The following RFX8 variants were observed in gnomAD, a reference collection of about 807,000 sequenced individuals.
RFX8 encodes DNA-binding protein RFX8.
RFX8 carries 46 observed loss-of-function variants against 54.6 expected under a neutral mutation model. That is an observed-to-expected ratio of 0.84 (90% CI 0.67 to 1.08). The LOEUF is 1.08. RFX8 is among the 50% of genes least tolerant of loss of function. RFX8 has a pLI of 0.00. For missense variants in RFX8, 536 were observed against 562.3 expected (o/e 0.95, Z 0.47); for synonymous variants, 192 against 209.5 (o/e 0.92, Z 0.72).
intron 2 of RFX8, among the ~76,000 whole-genome samples, chr2:101,459,901 C>T (rs936829236): frequency 6.6e-6 from 1 of 152,138 alleles, no homozygotes; most frequent in Admixed American, 6.5e-5. Flanking sequence ...CCAGTTCGAG[C>T]TTCCCAGCTA....
chr2:101,438,163 C>T (rs879355564), intron 2 of RFX8, among the ~76,000 whole-genome samples: 3 of 151,930 alleles, frequency 2.0e-5, no homozygotes, highest in Non-Finnish European at 4.4e-5. Context: ...TCGACCACTT[C>T]AAGCATTTAT....
chr2:101,432,750 A>G (rs949455128), intron 2 of RFX8, among the ~76,000 whole-genome samples: 8 of 152,230 alleles, frequency 5.3e-5, no homozygotes, highest in African/African-American at 1.7e-4. Context: ...CACAACATCC[A>G]GAGCTGGCCT....
chr2:101,467,721 G>C (rs10172545), intron 1 of RFX8, among the ~76,000 whole-genome samples: 103,919 of 151,836 alleles, frequency 0.68, 35,988 homozygotes, highest in Non-Finnish European at 0.72. Flanking sequence ...TCACAGACCA[G>C]CCCCGGCCCC....
intron 2 of RFX8, among the ~76,000 whole-genome samples, chr2:101,463,770 G>A (rs905558081): frequency 2.0e-5 from 3 of 152,154 alleles, no homozygotes; most frequent in African/African-American, 7.2e-5. Flanking sequence ...CTCCCTCCCA[G>A]AGGGGTCAGG....
chr2:101,413,081 A>G lies in RFX8; in HGVS notation c.562-10T>C, dbSNP rs114673650. 2.3e-3 allele frequency: 3,537 copies of G among 1,549,268 alleles called. 67 individuals are homozygous for G. The African/African-American group carries it at 0.042, about 18-fold the overall frequency. On this transcript the variant is annotated splice_polypyrimidine_tract_variant and intron_variant, in intron 7 of 11. Transcript: ENST00000428343. ...ATACCATTCGCATAGTCTAAAGATAACAGGGAGGCATAATACTTAATTCAA... is the reference window on the plus strand; with the variant it reads ...ATACCATTCGCATAGTCTAAAGATAGCAGGGAGGCATAATACTTAATTCAA...
At chr2:101,464,208 T>C (rs980472152) in intron 2 of RFX8, among the ~76,000 whole-genome samples, 1 of 152,252 alleles carries the variant, frequency 6.6e-6, no homozygotes, top group Admixed American at 6.5e-5. Flanking sequence ...AGGGAAGTGA[T>C]AGCCGGCATT....
intron 4 of RFX8, among the ~76,000 whole-genome samples, chr2:101,419,365 A>G (rs1686724252): frequency 6.6e-6 from 1 of 152,178 alleles, no homozygotes; most frequent in Non-Finnish European, 1.5e-5. Flanking sequence ...AAGGTGTGAT[A>G]GTACTTAATC....
chr2:101,421,493 T>C lies in RFX8; in HGVS notation c.237+231A>G, dbSNP rs796538064. The C allele has an allele frequency of 3.3e-6, 4 of 1,208,604 alleles. No individual in the cohort carries two copies. The African/African-American group carries it at 4.7e-5, about 14-fold the overall frequency. 74.9% of individuals were successfully genotyped at this position (1,208,604 alleles called of 1,614,324 possible). The stretch of plus-strand genomic sequence containing the variant: ...AATTTGTATTTAGAGCCTAAAGTTA[T>C]CTGTATTAGCACCTTGGAGAATTTC... On this transcript the variant is annotated intron_variant, in intron 4 of 11. Coordinates refer to ENST00000428343, the MANE Select transcript of RFX8 (RefSeq NM_001145664.2).
chr2:101,469,178 G>GGA (rs149464200), intron 1 of RFX8, among the ~76,000 whole-genome samples: 7 of 134,858 alleles, frequency 5.2e-5, no homozygotes, highest in East Asian at 4.2e-4. Context: ...ACATATACAT[G>GGA]GAGAGAGAGA....
chr2:101,461,593 A>G (rs1188742971), intron 2 of RFX8, among the ~76,000 whole-genome samples: 1 of 152,208 alleles, frequency 6.6e-6, no homozygotes, highest in African/African-American at 2.4e-5. Flanking sequence ...GTCCGGCAAC[A>G]TAATACTCTG....
intron 10 of RFX8, 106 bp from the exon 11 acceptor site, chr2:101,402,858 C>A: frequency 3.9e-6 from 4 of 1,032,000 alleles, no homozygotes; most frequent in Non-Finnish European, 5.5e-6. Context: ...TGTACGTGAG[C>A]CTCGTTCCAA....
intron 10 of RFX8, among the ~76,000 whole-genome samples, chr2:101,404,190 C>A (rs1485487843): frequency 6.6e-6 from 1 of 152,178 alleles, no homozygotes; most frequent in African/African-American, 2.4e-5. Context: ...TTTCAAAAGC[C>A]CTTCACAGTT....
At position 101,405,302 on chromosome 2, in the gene RFX8, G is replaced by A. The variant is rs138837350; in HGVS notation, c.928+641C>T. ...GCTGGGATTACAAGCGTCCGCCACC[G>A]CGCCCGGCTAATTTTTGTATTTTTA... On this transcript the variant is annotated intron_variant, in intron 10 of 11. Coordinates refer to ENST00000428343, the MANE Select transcript of RFX8 (RefSeq NM_001145664.2). 8.3e-3 allele frequency among the ~76,000 whole-genome samples: 1,254 copies of A among 151,954 alleles called. 16 individuals carry two copies. The highest frequency in any genetic ancestry group is 0.027 in the African/African-American group (1,116 of 41,442).
chr2:101,432,667 G>A (rs1687555258), intron 2 of RFX8, among the ~76,000 whole-genome samples: 1 of 152,120 alleles, frequency 6.6e-6, no homozygotes, highest in Non-Finnish European at 1.5e-5. Context: ...CTCTGAGTCA[G>A]GCCTTTGGGA....
intron 2 of RFX8, among the ~76,000 whole-genome samples, chr2:101,461,069 C>A (rs1558888624): frequency 6.6e-6 from 1 of 150,982 alleles, no homozygotes; most frequent in Non-Finnish European, 1.5e-5. Context: ...GAGATCGAGA[C>A]CATCCTGGTT....
chr2:101,435,104 C>G (rs1687702171), intron 2 of RFX8: 1 of 152,350 alleles, frequency 6.6e-6, no homozygotes, highest in Admixed American at 6.5e-5. Flanking sequence ...TCTCCCTCTT[C>G]TGCTCCGCCG....
intron 11 of RFX8, among the ~76,000 whole-genome samples, chr2:101,400,763 A>G (rs968107117): frequency 6.6e-6 from 1 of 152,152 alleles, no homozygotes; most frequent in African/African-American, 2.4e-5. Context: ...GGAGCTGAAC[A>G]CTGCAGCCCA....
intron 2 of RFX8, among the ~76,000 whole-genome samples, chr2:101,445,968 C>T (rs1688355111): frequency 1.3e-5 from 2 of 152,094 alleles, no homozygotes; most frequent in African/African-American, 4.8e-5. Context: ...CACACAGGTC[C>T]TTATATAATA....
intron 2 of RFX8, among the ~76,000 whole-genome samples, chr2:101,447,157 C>A (rs1017371263): frequency 2.8e-4 from 43 of 152,316 alleles, no homozygotes; most frequent in Non-Finnish European, 6.3e-4. Context: ...ATCCTGAAGA[C>A]CCTGCCTCTA....
Sources: gnomAD v4.1 joint callset for allele counts (sites outside exome capture counted in the v4.1 genomes callset) on GRCh38, gnomAD v4.1.1 for gene constraint, MANE v1.5 for transcripts, NCBI Gene and HGNC (gene_info 2026-07-23, HGNC 2026-07-21) for gene names.